COL11A1: variants seen among roughly 807,000 people sequenced by gnomAD.
The protein encoded by COL11A1 is collagen type XI alpha 1 chain.
COL11A1 carries 74 observed loss-of-function variants against 265.2 expected under a neutral mutation model. That is an observed-to-expected ratio of 0.28 (90% CI 0.23 to 0.34). The LOEUF (loss-of-function observed/expected upper bound fraction) is 0.34, where lower values mean the gene tolerates loss of function less well. COL11A1 is among the 10% of genes least tolerant of loss of function. COL11A1 has a pLI of 1.00. For synonymous variants in COL11A1, 816 were observed against 727.6 expected (o/e 1.12, Z -1.96); for missense variants, 2,165 against 2,263.6 (o/e 0.96, Z 0.88).
intron 42 of COL11A1, among the ~76,000 whole-genome samples, chr1:102,945,383 A>G (rs1427815235): frequency 6.6e-6 from 1 of 151,832 alleles, no homozygotes; most frequent in Non-Finnish European, 1.5e-5. Context: ...CACCAGCACC[A>G]TGAGCCAATA....
intron 13 of COL11A1, 69 bp downstream of exon 13, chr1:103,014,442 T>A: frequency 8.1e-7 from 1 of 1,234,742 alleles, no homozygotes; most frequent in Non-Finnish European, 1.2e-6. Context: ...GCATCTTCCG[T>A]ATGTACACAC....
At position 102,883,073 on chromosome 1, in the gene COL11A1, C is replaced by G. The variant is rs1055861496; in HGVS notation, c.4971+126G>C. On this transcript the variant is annotated intron_variant, in intron 64 of 66. Transcript: ENST00000370096. ...TATTCATGTTTATGCAAATGAAGTA[C>G]TCTAATTATTTTGTAAGAAAAGCAG... 6 of 731,252 alleles carry G rather than the reference C, an allele frequency of 8.2e-6. No individual in the cohort carries two copies. The African/African-American group carries it at 1.0e-4, about 13-fold the overall frequency. 45.3% of individuals were successfully genotyped at this position (731,252 alleles called of 1,614,324 possible). A position where few individuals can be genotyped will look rare whatever the true frequency, so the allele number is the denominator to read the frequency against.
intron 57 of COL11A1, among the ~76,000 whole-genome samples, chr1:102,895,015 T>C (rs1652246689): frequency 6.6e-6 from 1 of 152,166 alleles, no homozygotes; most frequent in Admixed American, 6.6e-5. Flanking sequence ...TGAGTGTGTG[T>C]GTGTACACCT....
intron 4 of COL11A1, among the ~76,000 whole-genome samples, chr1:103,045,775 C>G (rs1669205117): frequency 6.7e-6 from 1 of 148,498 alleles, no homozygotes; most frequent in African/African-American, 2.5e-5. Context: ...CCCCTACCCC[C>G]ACCCCACAAC....
At chr1:103,107,187 C>A (rs772246203) in intron 1 of COL11A1, among the ~76,000 whole-genome samples, 39 of 152,170 alleles carry the variant, frequency 2.6e-4, no homozygotes, top group Middle Eastern at 3.4e-3. Flanking sequence ...GACAGGGTTG[C>A]AGACTTCCGA....
chr1:103,099,687 G>A lies in COL11A1; in HGVS notation c.106+8386C>T, dbSNP rs561877304. 6.0e-4 allele frequency among the ~76,000 whole-genome samples: 91 copies of A among 151,642 alleles called. 1 individual carries two copies. In the Middle Eastern group the frequency reaches 0.01, roughly 17 times the overall value. ...AAAGTAAAATGATGATTTATGCTAC[G>A]GTCAATACCACTACATATCTTAAGG... On this transcript the variant is annotated intron_variant, in intron 1 of 66. Coordinates refer to ENST00000370096, the MANE Select transcript of COL11A1 (RefSeq NM_001854.4).
At chr1:102,923,572 AC>A (rs1368619427) in intron 46 of COL11A1, among the ~76,000 whole-genome samples, 183 bp from the exon 47 acceptor site, 2 of 152,146 alleles carry the variant, frequency 1.3e-5, no homozygotes, top group African/African-American at 4.8e-5. Flanking sequence ...AAAATCTTAC[AC>A]CTACATTTAC....
chr1:103,037,166 T>C (rs188241282), intron 4 of COL11A1, among the ~76,000 whole-genome samples: 54 of 149,528 alleles, frequency 3.6e-4, no homozygotes, highest in Admixed American at 1.1e-3. Flanking sequence ...ATAAAGTCTA[T>C]ATAAGGCATA....
chr1:103,000,828 A>T (rs191427624), intron 24 of COL11A1, among the ~76,000 whole-genome samples: 1 of 152,070 alleles, frequency 6.6e-6, no homozygotes, highest in South Asian at 2.1e-4. Flanking sequence ...GGTATGGAGA[A>T]TAGCGAAAAA....
chr1:102,934,056 C>G (rs56283241), intron 46 of COL11A1, among the ~76,000 whole-genome samples: 1 of 152,142 alleles, frequency 6.6e-6, no homozygotes, highest in Admixed American at 6.5e-5. Flanking sequence ...TATTCTGCGT[C>G]GCTCACGCTG....
At chr1:103,011,179 C>G in intron 14 of COL11A1, among the ~76,000 whole-genome samples, 1 of 152,036 alleles carries the variant, frequency 6.6e-6, no homozygotes, top group East Asian at 1.9e-4. Flanking sequence ...TAGGTTAATT[C>G]TTCTGACCCC....
chr1:102,905,639 C>T (rs1653890610), intron 54 of COL11A1, among the ~76,000 whole-genome samples: 2 of 151,780 alleles, frequency 1.3e-5, no homozygotes, highest in African/African-American at 4.8e-5. Flanking sequence ...TTGACAAATC[C>T]ATTTTATTAA....
At position 102,898,739 on chromosome 1, in the gene COL11A1, G is replaced by A. The variant is rs780411112; in HGVS notation, c.4175C>T (p.Thr1392Ile). ...AGGTCCCTGAGGACCGACTGGGCCG[G>A]TTTTTCCAGGAGGACCTTCTGCACC... is the stretch of plus-strand genomic sequence containing the variant. ...EAGAEGPPGK[T>I]GPVGPQGPAG... The change falls in exon 56 of 67, where the codon ACC becomes ATC. Residue 1392 changes from threonine to isoleucine, a missense_variant. Thr to Ile is a moderately conservative substitution (Grantham distance 89). Transcript: ENST00000370096. The A allele has an allele frequency of 9.9e-6, 16 of 1,612,968 alleles. No individual in the cohort carries two copies. The highest frequency in any genetic ancestry group is 1.4e-5 in the Non-Finnish European group (16 of 1,179,418).
Position 102,939,064 on chromosome 1 carries a change from T to C in COL11A1, c.3409A>G (p.Lys1137Glu). 6.2e-7 allele frequency: 1 copy of C among 1,613,848 alleles called. No homozygotes were observed. Among genetic ancestry groups the C allele is most frequent in the Non-Finnish European group, 8.5e-7 (1 of 1,179,880 alleles). ...TCTCCCTTGTCACCCTTGCTGCCTT[T>C]TTGTCCCGGCTCACCAATTTCACCC... ...DKGEIGEPGQ[K>E]GSKGDKGENG... is the part of the protein sequence containing the mutation. Residue 1137 changes from lysine to glutamate, a missense_variant, in exon 44 of 67, where the codon AAA becomes GAA. Transcript: ENST00000370096.
chr1:103,001,415 T>C, intron 24 of COL11A1: 2 of 403,778 alleles, frequency 5.0e-6, no homozygotes, highest in Non-Finnish European at 4.4e-6. Context: ...AATCTCACAG[T>C]GGAGATCAGG....
At chr1:103,007,224 C>G (rs1665707812) in intron 15 of COL11A1, among the ~76,000 whole-genome samples, 1 of 152,106 alleles carries the variant, frequency 6.6e-6, no homozygotes, top group South Asian at 2.1e-4. Context: ...ATCCCTGAAG[C>G]AAATTATTGA....
chr1:102,974,748 C>A lies in COL11A1; in HGVS notation c.2808+82G>T, dbSNP rs993711115. 9 of 1,027,160 alleles carry A rather than the reference C, an allele frequency of 8.8e-6. No homozygotes were observed. In the African/African-American group the frequency reaches 1.1e-4, roughly 13 times the overall value. The allele number at this position is 1,027,160 out of a possible 1,614,324, so 63.6% of individuals were successfully genotyped here. A position where few individuals can be genotyped will look rare whatever the true frequency, so the allele number is the denominator to read the frequency against. ...GAGATTTTATCAATATTATATCTAACAAATATATAAATGTAAGCTGTGACT... is the reference window on the plus strand; with the variant it reads ...GAGATTTTATCAATATTATATCTAAAAAATATATAAATGTAAGCTGTGACT... On this transcript the variant is annotated intron_variant, in intron 36 of 66. Transcript: ENST00000370096.
intron 11 of COL11A1, among the ~76,000 whole-genome samples, chr1:103,016,125 A>C (rs1339358977): frequency 6.6e-6 from 1 of 152,048 alleles, no homozygotes; most frequent in Non-Finnish European, 1.5e-5. Flanking sequence ...AGTTTTATTT[A>C]AAAATTACTA....
At chr1:103,060,689 A>C (rs1670605114) in intron 4 of COL11A1, among the ~76,000 whole-genome samples, 1 of 152,080 alleles carries the variant, frequency 6.6e-6, no homozygotes, top group Admixed American at 6.6e-5. Context: ...TAGCCAGGTG[A>C]GGCGGCACAT....
Sources: allele counts gnomAD v4.1 joint callset (sites outside exome capture counted in the v4.1 genomes callset), GRCh38; gene constraint gnomAD v4.1.1; transcripts MANE v1.5; gene names NCBI Gene and HGNC (gene_info 2026-07-23, HGNC 2026-07-21).